MAGI2: variants seen among roughly 807,000 people sequenced by gnomAD.
MAGI2 encodes membrane-associated guanylate kinase, WW and PDZ domain-containing protein 2.
MAGI2 carries 35 observed loss-of-function variants against 133.3 expected under a neutral mutation model. The observed-to-expected ratio is 0.26, with a 90% CI of 0.20 to 0.35. The LOEUF (loss-of-function observed/expected upper bound fraction) is 0.35. Among genes scored for constraint, MAGI2 ranks in the 10% least tolerant of loss-of-function variants. The probability of loss-of-function intolerance (pLI) is 1.00; values close to 1 mark genes in which losing one functional copy is unlikely to be tolerated. For synonymous variants in MAGI2, 729 were observed against 710.6 expected (o/e 1.03, Z -0.41); for missense variants, 1,636 against 1,863.4 (o/e 0.88, Z 2.25).
At chr7:78,736,051 G>T (rs918429558) in intron 2 of MAGI2, among the ~76,000 whole-genome samples, 1 of 152,132 alleles carries the variant, frequency 6.6e-6, no homozygotes, top group African/African-American at 2.4e-5. Context: ...GGAAGAAGAC[G>T]TGAAATATTA....
chr7:78,906,278 T>C (rs1421353127), intron 2 of MAGI2, among the ~76,000 whole-genome samples: 1 of 152,214 alleles, frequency 6.6e-6, no homozygotes, highest in African/African-American at 2.4e-5. Context: ...CTAGAAAAGT[T>C]CTCCTTTGGT....
intron 3 of MAGI2, among the ~76,000 whole-genome samples, chr7:78,530,474 T>TGTGAAGTGAA (rs1323520010): frequency 6.6e-6 from 1 of 152,230 alleles, no homozygotes; most frequent in Admixed American, 6.5e-5. Flanking sequence ...CATGGACTTG[T>TGTGAAGTGAA]GTGAAGACAC....
intron 15 of MAGI2, among the ~76,000 whole-genome samples, chr7:78,162,351 A>G (rs1825121800): frequency 1.3e-5 from 1 of 78,508 alleles, no homozygotes; most frequent in African/African-American, 6.0e-5. Context: ...GTCTCTACTA[A>G]AAATACAAAA....
intron 3 of MAGI2, among the ~76,000 whole-genome samples, chr7:78,554,963 T>G (rs907555929): frequency 2.0e-5 from 3 of 151,754 alleles, no homozygotes; most frequent in Non-Finnish European, 2.9e-5. Context: ...CTGGGCAAGA[T>G]GGTGAAACCT....
At chr7:78,634,068 T>C (rs996979048) in intron 2 of MAGI2, among the ~76,000 whole-genome samples, 4 of 152,190 alleles carry the variant, frequency 2.6e-5, no homozygotes, top group Admixed American at 6.5e-5. Flanking sequence ...TCACTCAGGC[T>C]AACACTTATA....
intron 2 of MAGI2, among the ~76,000 whole-genome samples, chr7:78,923,888 TCTC>T (rs1265772089): frequency 6.6e-6 from 1 of 152,194 alleles, no homozygotes; most frequent in Non-Finnish European, 1.5e-5. Flanking sequence ...GGTTTGTACT[TCTC>T]CTTGAAGAGG....
chr7:78,915,864 A>G (rs973825014), intron 2 of MAGI2, among the ~76,000 whole-genome samples: 4 of 152,056 alleles, frequency 2.6e-5, no homozygotes, highest in Non-Finnish European at 5.9e-5. Flanking sequence ...TAAGGTCATC[A>G]GAGGAGGAGG....
intron 20 of MAGI2, among the ~76,000 whole-genome samples, chr7:78,122,355 A>T (rs3807722): frequency 0.16 from 25,004 of 152,192 alleles, 2,150 homozygotes; most frequent in South Asian, 0.22. Flanking sequence ...GAAAGGTGAC[A>T]AATTTAGAAG....
intron 1 of MAGI2, among the ~76,000 whole-genome samples, chr7:79,130,692 T>C (rs949543007): frequency 6.6e-6 from 1 of 152,230 alleles, no homozygotes; most frequent in Non-Finnish European, 1.5e-5. Context: ...TATAAAAATT[T>C]CAAATGTTGT....
chr7:78,264,099 A>G (rs966277803), intron 9 of MAGI2, among the ~76,000 whole-genome samples: 10 of 152,136 alleles, frequency 6.6e-5, no homozygotes, highest in Non-Finnish European at 1.5e-4. Context: ...TCTTCAATCC[A>G]TTTAACCACA....
chr7:79,193,869 A>G (rs1413738715), intron 1 of MAGI2, among the ~76,000 whole-genome samples: 3 of 151,882 alleles, frequency 2.0e-5, no homozygotes, highest in African/African-American at 7.3e-5. Context: ...TACCCCAGGC[A>G]AAGAGAGGAT....
At chr7:79,150,566 C>A (rs889665502) in intron 1 of MAGI2, among the ~76,000 whole-genome samples, 7 of 152,116 alleles carry the variant, frequency 4.6e-5, no homozygotes, top group African/African-American at 1.7e-4. Context: ...TATATTTAAT[C>A]ACATAAATAA....
At chr7:78,854,894 T>C (rs1322452322) in intron 2 of MAGI2, among the ~76,000 whole-genome samples, 2 of 152,050 alleles carry the variant, frequency 1.3e-5, no homozygotes, top group African/African-American at 4.8e-5. Context: ...TCTCGCTCTG[T>C]CACCCAGGCT....
intron 7 of MAGI2, among the ~76,000 whole-genome samples, chr7:78,366,269 T>C (rs565629830): frequency 3.3e-5 from 5 of 152,302 alleles, no homozygotes; most frequent in East Asian, 1.9e-4. Flanking sequence ...AAGATATTAA[T>C]GCTATCACTA....
In MAGI2 at chr7:78,697,310, CT is replaced by C. The variant is rs1817624957; in HGVS notation, c.419-70072del. Among the ~76,000 whole-genome samples the C allele has an allele frequency of 4.6e-5, 7 of 152,234 alleles. No individual in the cohort carries two copies. The South Asian group carries it at 1.5e-3, about 32-fold the overall frequency. On this transcript the variant is annotated intron_variant, in intron 2 of 21. Transcript: ENST00000354212. ...TGTATGGTGGTCTGGCTTATTGAGG[CT>C]TGGTCTATTTCACTTCAGACTGCTT... is the stretch of plus-strand genomic sequence containing the variant.
intron 2 of MAGI2, among the ~76,000 whole-genome samples, chr7:78,629,420 A>C (rs191016818): frequency 6.6e-6 from 1 of 152,056 alleles, no homozygotes; most frequent in Non-Finnish European, 1.5e-5. Flanking sequence ...TCTTCTTTCT[A>C]ATTATGATCT....
intron 2 of MAGI2, among the ~76,000 whole-genome samples, chr7:78,878,561 G>GA (rs1795603826): frequency 6.6e-6 from 1 of 152,188 alleles, no homozygotes; most frequent in Non-Finnish European, 1.5e-5. Context: ...AGTCCTGCCT[G>GA]AAAATCACAT....
At chr7:78,655,980 C>CCAA (rs1812219801) in intron 2 of MAGI2, among the ~76,000 whole-genome samples, 1 of 60,978 alleles carries the variant, frequency 1.6e-5, no homozygotes, top group African/African-American at 6.9e-5. Context: ...GACTCCGTCT[C>CCAA]AAAAAAAAAA....
intron 1 of MAGI2, among the ~76,000 whole-genome samples, chr7:79,139,635 C>G (rs1161011674): frequency 1.3e-5 from 2 of 152,094 alleles, no homozygotes; most frequent in African/African-American, 4.8e-5. Flanking sequence ...TGTCAGGAAG[C>G]AAGGGGTAAA....
Sources: allele counts gnomAD v4.1 joint callset (sites outside exome capture counted in the v4.1 genomes callset), GRCh38; gene constraint gnomAD v4.1.1; transcripts MANE v1.5; gene names NCBI Gene and HGNC (gene_info 2026-07-23, HGNC 2026-07-21).